STXBP6: variants seen among roughly 807,000 people sequenced by gnomAD.
The protein encoded by STXBP6 is syntaxin binding protein 6.
A neutral mutation model predicts 26.9 loss-of-function variants in STXBP6; 21 were observed. The observed-to-expected ratio is 0.78, with a 90% CI of 0.55 to 1.12. The LOEUF (loss-of-function observed/expected upper bound fraction) is 1.12. Among genes scored for constraint, STXBP6 ranks in the 50% most tolerant of loss-of-function variants. STXBP6 has a pLI of 0.00. For synonymous variants in STXBP6, 97 were observed against 92.6 expected (o/e 1.05, Z -0.27); for missense variants, 232 against 257.9 (o/e 0.90, Z 0.69).
At chr14:24,894,740 T>C (rs758869673) in intron 2 of STXBP6, among the ~76,000 whole-genome samples, 2 of 152,230 alleles carry the variant, frequency 1.3e-5, no homozygotes, top group Non-Finnish European at 2.9e-5. Context: ...AATACCCCTC[T>C]CTACCAGCCT....
intron 1 of STXBP6, among the ~76,000 whole-genome samples, chr14:24,989,671 A>G (rs1474411772): frequency 6.6e-6 from 1 of 152,240 alleles, no homozygotes; most frequent in Non-Finnish European, 1.5e-5. Context: ...GACTGTCTTC[A>G]TGCTTAATTA....
intron 2 of STXBP6, among the ~76,000 whole-genome samples, chr14:24,899,031 A>C (rs1416317010): frequency 1.3e-5 from 2 of 152,034 alleles, no homozygotes; most frequent in Non-Finnish European, 2.9e-5. Flanking sequence ...TGGGGATAAA[A>C]CTCCCAACCC....
At chr14:24,845,076 A>C (rs1030064116) in intron 4 of STXBP6, among the ~76,000 whole-genome samples, 1 of 149,588 alleles carries the variant, frequency 6.7e-6, no homozygotes, top group Non-Finnish European at 1.5e-5. Context: ...CAGTGGCGTG[A>C]TCTCAGCTCA....
intron 2 of STXBP6, among the ~76,000 whole-genome samples, chr14:24,902,726 T>A (rs942288562): frequency 9.9e-5 from 15 of 152,140 alleles, no homozygotes; most frequent in African/African-American, 3.4e-4. Context: ...CAGAAAAATG[T>A]AAGAAAGTTA....
intron 2 of STXBP6, among the ~76,000 whole-genome samples, chr14:24,937,393 T>C (rs2072641111): frequency 6.6e-6 from 1 of 152,272 alleles, no homozygotes; most frequent in Non-Finnish European, 1.5e-5. Context: ...TATATGATGT[T>C]GCTCTGTTAC....
At chr14:24,878,635 A>T (rs2070234975) in intron 2 of STXBP6, 1 of 184,796 alleles carries the variant, frequency 5.4e-6, no homozygotes, top group Non-Finnish European at 1.1e-5. Context: ...TTTATTTTTA[A>T]ATTTATTTTT....
At chr14:24,846,825 T>G (rs1453213988) in intron 4 of STXBP6, among the ~76,000 whole-genome samples, 1 of 152,166 alleles carries the variant, frequency 6.6e-6, no homozygotes, top group Non-Finnish European at 1.5e-5. Context: ...CTACCTATGC[T>G]AAATCTTATT....
At chr14:24,969,948 G>T (rs1168819175) in intron 2 of STXBP6, among the ~76,000 whole-genome samples, 3 of 152,090 alleles carry the variant, frequency 2.0e-5, no homozygotes, top group Non-Finnish European at 2.9e-5. Flanking sequence ...TGTTTCTAAA[G>T]TAATCAATTT....
At chr14:24,907,010 G>C (rs1289806434) in intron 2 of STXBP6, among the ~76,000 whole-genome samples, 1 of 152,124 alleles carries the variant, frequency 6.6e-6, no homozygotes, top group Non-Finnish European at 1.5e-5. Flanking sequence ...ACAAAAGCTG[G>C]GAAGTGTAGG....
At chr14:24,963,855 T>G (rs541422745) in intron 2 of STXBP6, among the ~76,000 whole-genome samples, 1 of 152,054 alleles carries the variant, frequency 6.6e-6, no homozygotes, top group East Asian at 1.9e-4. Flanking sequence ...ATTTTCTTAT[T>G]GGTAATTGGT....
intron 1 of STXBP6, among the ~76,000 whole-genome samples, chr14:24,976,841 G>C (rs1239347457): frequency 7.9e-6 from 1 of 126,584 alleles, no homozygotes; most frequent in Non-Finnish European, 1.6e-5. Flanking sequence ...GTCCTGAGCT[G>C]ACTGGGCGCT....
At chr14:24,947,721 T>C (rs148975898) in intron 2 of STXBP6, among the ~76,000 whole-genome samples, 4,604 of 152,288 alleles carry the variant, frequency 0.03, 110 homozygotes, top group Non-Finnish European at 0.044. Flanking sequence ...TGTAATATTA[T>C]AGCTAAAGTT....
intron 2 of STXBP6, among the ~76,000 whole-genome samples, chr14:24,931,810 T>A (rs190062698): frequency 6.6e-6 from 1 of 152,246 alleles, no homozygotes; most frequent in Non-Finnish European, 1.5e-5. Flanking sequence ...TAGGCAAGTG[T>A]GATCCAGGAG....
At chr14:24,871,107 T>C (rs1443915984) in intron 2 of STXBP6, among the ~76,000 whole-genome samples, 2 of 152,042 alleles carry the variant, frequency 1.3e-5, no homozygotes, top group South Asian at 2.1e-4. Context: ...TTGCATCCCA[T>C]TATGTTCTTT....
chr14:24,852,373 C>T (rs764721194), intron 4 of STXBP6, among the ~76,000 whole-genome samples: 1 of 152,252 alleles, frequency 6.6e-6, no homozygotes, highest in East Asian at 1.9e-4. Context: ...CACACGTCTA[C>T]GCTTTGTAAC....
chr14:24,892,699 T>A (rs1188158782), intron 2 of STXBP6, among the ~76,000 whole-genome samples: 1 of 152,120 alleles, frequency 6.6e-6, no homozygotes, highest in Non-Finnish European at 1.5e-5. Context: ...CAGCACTGAG[T>A]TGCAATCCTC....
chr14:24,917,842 C>T (rs923110143), intron 2 of STXBP6, among the ~76,000 whole-genome samples: 1 of 152,046 alleles, frequency 6.6e-6, no homozygotes, highest in African/African-American at 2.4e-5. Flanking sequence ...TATTTGCTAA[C>T]CATATTACAA....
At chr14:24,877,316 T>C (rs11158952) in intron 2 of STXBP6, among the ~76,000 whole-genome samples, 35,121 of 152,100 alleles carry the variant, frequency 0.23, 4,460 homozygotes, top group African/African-American at 0.34. Flanking sequence ...ATTTTAAACA[T>C]GCAATACATT....
At chr14:25,013,272 C>T (rs1180596912) in intron 1 of STXBP6, among the ~76,000 whole-genome samples, 1 of 152,126 alleles carries the variant, frequency 6.6e-6, no homozygotes, top group African/African-American at 2.4e-5. Context: ...AAGAATCGAA[C>T]ATTTTTCTTG....
Sources: allele counts gnomAD v4.1 joint callset (sites outside exome capture counted in the v4.1 genomes callset), GRCh38; gene constraint gnomAD v4.1.1; transcripts MANE v1.5; gene names NCBI Gene and HGNC (gene_info 2026-07-23, HGNC 2026-07-21).